Variants in STK32B observed in about 807,000 individuals in gnomAD.
The protein encoded by STK32B is serine/threonine-protein kinase 32B.
A neutral mutation model predicts 52.6 loss-of-function variants in STK32B; 43 were observed. That is an observed-to-expected ratio of 0.82 (90% confidence interval 0.64 to 1.05). The LOEUF (loss-of-function observed/expected upper bound fraction) is 1.05. STK32B is among the 50% of genes least tolerant of loss of function. The probability of loss-of-function intolerance (pLI) is 0.00; values close to 1 mark genes in which losing one functional copy is unlikely to be tolerated. For missense variants in STK32B, 621 were observed against 534.6 expected (o/e 1.16, Z -1.59); for synonymous variants, 238 against 204.3 (o/e 1.17, Z -1.41).
chr4:5,263,313 T>G (rs1273932752), intron 3 of STK32B, among the ~76,000 whole-genome samples: 2 of 152,152 alleles, frequency 1.3e-5, no homozygotes, highest in African/African-American at 4.8e-5. Flanking sequence ...CTTGATTTGG[T>G]TTTCACTGGG....
chr4:5,380,212 A>G lies in STK32B; in HGVS notation c.435-17995A>G, dbSNP rs992226904. ...ATTTCATTATCTCTTCACTTAGCAG[A>G]TAAAAAAGAAAATGGAACTGAACAT... On this transcript the variant is annotated intron_variant, in intron 4 of 11. Transcript: ENST00000282908. The surrounding 1 kb of genome is among the most constrained non-coding windows in gnomAD (Gnocchi z 4.3). 6.6e-6 allele frequency among the ~76,000 whole-genome samples: 1 copy of G among 152,130 alleles called. No individual in the cohort carries two copies. Among genetic ancestry groups the G allele is most frequent in the African/African-American group, 2.4e-5 (1 of 41,418 alleles).
chr4:5,464,613 A>G (rs752907270), intron 9 of STK32B, among the ~76,000 whole-genome samples: 15 of 152,210 alleles, frequency 9.9e-5, no homozygotes, highest in Non-Finnish European at 1.8e-4. Context: ...GATGGCCAAC[A>G]GGTCTGAGCG....
At chr4:5,410,575 T>C (rs1317641998) in intron 5 of STK32B, among the ~76,000 whole-genome samples, 1 of 151,968 alleles carries the variant, frequency 6.6e-6, no homozygotes, top group African/African-American at 2.4e-5. Flanking sequence ...GACGTCCTCT[T>C]CTCCCAGGCT....
chr4:5,446,183 C>T (rs1577514647), intron 6 of STK32B, among the ~76,000 whole-genome samples: 1 of 152,352 alleles, frequency 6.6e-6, no homozygotes, highest in East Asian at 1.9e-4. Flanking sequence ...CCTGTGATGC[C>T]TGTAACTTGT....
At chr4:5,414,096 A>C (rs1711944767) in intron 5 of STK32B, among the ~76,000 whole-genome samples, 1 of 152,162 alleles carries the variant, frequency 6.6e-6, no homozygotes. Context: ...CATAATAGGG[A>C]ATTGCTGAAT....
intron 1 of STK32B, among the ~76,000 whole-genome samples, chr4:5,070,465 G>C (rs1178237794): frequency 6.6e-6 from 1 of 152,162 alleles, no homozygotes; most frequent in Non-Finnish European, 1.5e-5. Flanking sequence ...GTAGGGGCTT[G>C]AGGGGAAAAC....
At chr4:5,306,430 T>A (rs536233638) in intron 3 of STK32B, among the ~76,000 whole-genome samples, 2 of 152,312 alleles carry the variant, frequency 1.3e-5, no homozygotes, top group African/African-American at 4.8e-5. Context: ...ATTTTTCTGT[T>A]GGACTGGTCC....
At chr4:5,089,814 C>T (rs77318713) in intron 1 of STK32B, among the ~76,000 whole-genome samples, 65 of 152,256 alleles carry the variant, frequency 4.3e-4, no homozygotes, top group African/African-American at 1.5e-3. Flanking sequence ...ATTTGCATTC[C>T]CACCAACAGT....
At chr4:5,249,439 C>G (rs1725730421) in intron 3 of STK32B, among the ~76,000 whole-genome samples, 2 of 115,440 alleles carry the variant, frequency 1.7e-5, no homozygotes, top group South Asian at 6.3e-4. Flanking sequence ...TCCTTCCTAC[C>G]TACCTTCCTT....
chr4:5,279,112 C>A (rs1728029523), intron 3 of STK32B, among the ~76,000 whole-genome samples: 1 of 152,196 alleles, frequency 6.6e-6, no homozygotes, highest in South Asian at 2.1e-4. Flanking sequence ...GCCTTGCCGA[C>A]AGTCCCCGAA....
intron 3 of STK32B, among the ~76,000 whole-genome samples, chr4:5,317,163 T>C (rs1383613682): frequency 1.6e-5 from 1 of 62,430 alleles, no homozygotes; most frequent in Non-Finnish European, 2.3e-5. Flanking sequence ...ACATATTACA[T>C]ATATATAACA....
chr4:5,173,789 G>T (rs138634090), intron 3 of STK32B, among the ~76,000 whole-genome samples: 28,493 of 152,152 alleles, frequency 0.19, 3,360 homozygotes, highest in East Asian at 0.31. Context: ...TGTTGATTTG[G>T]GGTGGAGAGT....
intron 1 of STK32B, among the ~76,000 whole-genome samples, chr4:5,130,676 G>C (rs62290470): frequency 0.13 from 19,542 of 152,050 alleles, 1,279 homozygotes; most frequent in African/African-American, 0.16. Flanking sequence ...GGTAAACAAA[G>C]GGAGGTGAGG....
chr4:5,184,381 A>G (rs1720578987), intron 3 of STK32B, among the ~76,000 whole-genome samples: 1 of 152,160 alleles, frequency 6.6e-6, no homozygotes, highest in South Asian at 2.1e-4. Flanking sequence ...ACCTTCTTAT[A>G]TGGGTGCAGC....
rs534668801 is a variant in STK32B, at chr4:5,470,212, G to A, written c.1106+2142G>A. Among the ~76,000 whole-genome samples the A allele has an allele frequency of 9.8e-5, 15 of 152,304 alleles. No individual in the cohort carries two copies. The East Asian group carries it at 2.3e-3, about 24-fold the overall frequency. On this transcript the variant is annotated intron_variant, in intron 11 of 11. Transcript: ENST00000282908. This position sits in a 1 kb window ranked among gnomAD's most constrained non-coding sequence, Gnocchi z 4.6. ...ACCTCACTATATAGGAGCTTCAGCC[G>A]AGTAGATGTTTTCTTCCTCACGTGT...
intron 3 of STK32B, among the ~76,000 whole-genome samples, chr4:5,318,965 A>G (rs1012903076): frequency 1.1e-4 from 17 of 151,706 alleles, no homozygotes; most frequent in Admixed American, 5.9e-4. Flanking sequence ...ATGCCCAGCT[A>G]ATTTTTTTGT....
At position 5,434,454 on chromosome 4, in the gene STK32B, GTATATATA is replaced by G. The variant is rs5855854; in HGVS notation, c.563-12207_563-12200del. ...TGTATGTGTGTGTGTGTGTGTGTGT[GTATATATA>G]TATATATATATGATTTTTATATTCA... On this transcript the variant is annotated intron_variant, in intron 6 of 11. Transcript: ENST00000282908. Among the ~76,000 whole-genome samples, 95 of 131,252 alleles carry G rather than the reference GTATATATA, an allele frequency of 7.2e-4. No homozygotes were observed. The East Asian group carries it at 0.022, about 31-fold the overall frequency. 86.1% of individuals were successfully genotyped at this position (131,252 alleles called of 152,430 possible).
At chr4:5,413,099 A>G (rs1233068138) in intron 5 of STK32B, among the ~76,000 whole-genome samples, 1 of 152,000 alleles carries the variant, frequency 6.6e-6, no homozygotes, top group African/African-American at 2.4e-5. Context: ...TCTTCTTCAG[A>G]TCTTTGCTCA....
At chr4:5,307,610 A>C (rs1252916750) in intron 3 of STK32B, among the ~76,000 whole-genome samples, 2 of 149,848 alleles carry the variant, frequency 1.3e-5, no homozygotes, top group African/African-American at 2.5e-5. Flanking sequence ...TTACTTAATA[A>C]TTGATCTGCT....
Sources: allele counts gnomAD v4.1 joint callset (sites outside exome capture counted in the v4.1 genomes callset), GRCh38; gene constraint gnomAD v4.1.1; non-coding constraint Gnocchi (gnomAD v3.1); transcripts MANE v1.5; gene names NCBI Gene and HGNC (gene_info 2026-07-23, HGNC 2026-07-21).